The following KCNIP4 variants were observed in gnomAD, a reference collection of about 807,000 sequenced individuals.
KCNIP4 encodes the protein Kv channel-interacting protein 4.
A neutral mutation model predicts 34.0 loss-of-function variants in KCNIP4; 12 were observed. The ratio of observed to expected loss-of-function variants is 0.35; its 90% CI spans 0.23 to 0.57. KCNIP4 has a LOEUF of 0.57. KCNIP4 is among the 20% of genes least tolerant of loss of function. The pLI is 0.83. For synonymous variants in KCNIP4, 124 were observed against 102.2 expected (o/e 1.21, Z -1.29); for missense variants, 238 against 311.7 (o/e 0.76, Z 1.78).
chr4:21,066,573 T>TCCCA (rs1744409823), intron 1 of KCNIP4, among the ~76,000 whole-genome samples: 1 of 151,102 alleles, frequency 6.6e-6, no homozygotes, highest in Non-Finnish European at 1.5e-5. Context: ...AGAGAATGTC[T>TCCCA]GCGCCTGGGG....
At chr4:21,880,336 A>T (rs1408859411) in intron 1 of KCNIP4, among the ~76,000 whole-genome samples, 2 of 152,210 alleles carry the variant, frequency 1.3e-5, no homozygotes, top group Admixed American at 1.3e-4. Flanking sequence ...TATTGAGTTG[A>T]AAGGTATGAA....
At chr4:20,741,831 A>G (rs1471595097) in intron 5 of KCNIP4, among the ~76,000 whole-genome samples, 1 of 152,138 alleles carries the variant, frequency 6.6e-6, no homozygotes, top group African/African-American at 2.4e-5. Flanking sequence ...AGCAAGGCTA[A>G]TAAAGAAGAA....
intron 1 of KCNIP4, among the ~76,000 whole-genome samples, chr4:21,270,364 T>C (rs537128495): frequency 2.7e-4 from 41 of 151,818 alleles, no homozygotes; most frequent in African/African-American, 9.7e-4. Context: ...GTATTGCTAA[T>C]GTGCAGACAT....
At chr4:20,997,377 G>A (rs1737652884) in intron 1 of KCNIP4, among the ~76,000 whole-genome samples, 1 of 152,172 alleles carries the variant, frequency 6.6e-6, no homozygotes, top group Non-Finnish European at 1.5e-5. Flanking sequence ...CGTATGTGAA[G>A]GCTGAGGCTT....
At chr4:20,980,805 A>T (rs1577478692) in intron 1 of KCNIP4, among the ~76,000 whole-genome samples, 3 of 145,656 alleles carry the variant, frequency 2.1e-5, no homozygotes. Flanking sequence ...TCACTTCTCC[A>T]CCATAAAAAA....
chr4:21,714,826 T>G lies in KCNIP4; in HGVS notation c.61+233745A>C, dbSNP rs370762580. 2.0e-3 allele frequency among the ~76,000 whole-genome samples: 7 copies of G among 3,540 alleles called. 1 individual carries two copies. In the African/African-American group the frequency reaches 0.023, roughly 12 times the overall value. The allele number at this position is 3,540 out of a possible 152,430, so 2.3% of individuals were successfully genotyped here. ...TTTATTTTATTTTATTTTATTTTAT[T>G]TTATTTTATTTTATTTTATTTTATT... is the stretch of plus-strand genomic sequence containing the variant. On this transcript the variant is annotated intron_variant, in intron 1 of 8. Transcript: ENST00000382152.
At chr4:20,772,791 G>A (rs1422398572) in intron 3 of KCNIP4, among the ~76,000 whole-genome samples, 8 of 151,752 alleles carry the variant, frequency 5.3e-5, no homozygotes, top group African/African-American at 1.9e-4. Flanking sequence ...ACAGGCGCCC[G>A]CCACGACGCC....
intron 1 of KCNIP4, among the ~76,000 whole-genome samples, chr4:20,962,134 CCT>C (rs1733908961): frequency 6.6e-6 from 1 of 152,170 alleles, no homozygotes; most frequent in Non-Finnish European, 1.5e-5. Flanking sequence ...CTCAATTTCT[CCT>C]CTTTGTCCTT....
intron 1 of KCNIP4, among the ~76,000 whole-genome samples, chr4:21,553,984 C>A (rs555502252): frequency 1.3e-5 from 2 of 152,182 alleles, no homozygotes; most frequent in Non-Finnish European, 2.9e-5. Context: ...GGGCACAATT[C>A]AACCCACTAT....
chr4:21,541,536 T>C (rs1177407110), intron 1 of KCNIP4, among the ~76,000 whole-genome samples: 1 of 152,142 alleles, frequency 6.6e-6, no homozygotes, highest in African/African-American at 2.4e-5. Context: ...TATAGTGAAG[T>C]TAACGAAGCT....
intron 4 of KCNIP4, among the ~76,000 whole-genome samples, chr4:20,754,882 A>G (rs11947118): frequency 0.022 from 3,396 of 152,328 alleles, 115 homozygotes; most frequent in African/African-American, 0.075. Context: ...AATAACTTAA[A>G]GATTTTCATC....
intron 1 of KCNIP4, among the ~76,000 whole-genome samples, chr4:21,744,804 T>C (rs16871823): frequency 0.087 from 13,272 of 152,222 alleles, 1,949 homozygotes; most frequent in African/African-American, 0.3. Context: ...TGTAAGTCAA[T>C]ATATTTTGCT....
intron 1 of KCNIP4, among the ~76,000 whole-genome samples, chr4:20,898,799 C>A (rs1726846287): frequency 6.6e-6 from 1 of 152,150 alleles, no homozygotes; most frequent in Non-Finnish European, 1.5e-5. Context: ...TCTCATCTAT[C>A]TATCTATGAA....
chr4:21,084,912 T>A (rs938172294), intron 1 of KCNIP4, among the ~76,000 whole-genome samples: 1 of 150,204 alleles, frequency 6.7e-6, no homozygotes, highest in African/African-American at 2.5e-5. Context: ...TTACTGCTAC[T>A]GACTTCATGT....
At chr4:20,823,783 G>A (rs555309357) in intron 3 of KCNIP4, among the ~76,000 whole-genome samples, 1 of 152,288 alleles carries the variant, frequency 6.6e-6, no homozygotes, top group Admixed American at 6.5e-5. Context: ...ATATCACTTT[G>A]ATGGAGTGTA....
At position 21,362,372 on chromosome 4, in the gene KCNIP4, C is replaced by A. The variant is rs115170511; in HGVS notation, c.62-479663G>T. Among the ~76,000 whole-genome samples, 718 of 152,166 alleles carry A rather than the reference C, an allele frequency of 4.7e-3. 7 individuals are homozygous for A. Among genetic ancestry groups the A allele is most frequent in the African/African-American group, 0.017 (690 of 41,518 alleles). On this transcript the variant is annotated intron_variant, in intron 1 of 8. Transcript: ENST00000382152. ...GACCCAGAACTTGCCATTCTGCCAA[C>A]TGCTGTTCATAAAATTGAAATAATA...
chr4:20,947,420 C>T (rs554480483), intron 1 of KCNIP4, among the ~76,000 whole-genome samples: 7 of 152,198 alleles, frequency 4.6e-5, no homozygotes, highest in Admixed American at 1.3e-4. Flanking sequence ...CCACCTGCCT[C>T]GGCCTCCCAA....
At chr4:20,764,425 G>A (rs1344750959) in intron 3 of KCNIP4, among the ~76,000 whole-genome samples, 1 of 151,768 alleles carries the variant, frequency 6.6e-6, no homozygotes, top group Non-Finnish European at 1.5e-5. Context: ...GGCGATTTTG[G>A]CATTTTTGCA....
chr4:21,227,187 G>T (rs903285305), intron 1 of KCNIP4, among the ~76,000 whole-genome samples: 6 of 152,220 alleles, frequency 3.9e-5, no homozygotes, highest in African/African-American at 1.2e-4. Flanking sequence ...TGAGCATGTT[G>T]CAGTAAAGTT....
Sources: allele counts gnomAD v4.1 joint callset (sites outside exome capture counted in the v4.1 genomes callset), GRCh38; gene constraint gnomAD v4.1.1; transcripts MANE v1.5; gene names NCBI Gene and HGNC (gene_info 2026-07-23, HGNC 2026-07-21).